Variants in AACS observed in about 807,000 individuals in gnomAD.
The protein encoded by AACS is acetoacetyl-CoA synthetase.
AACS carries 69 observed loss-of-function variants against 83.1 expected under a neutral mutation model. The observed-to-expected ratio is 0.83, with a 90% confidence interval of 0.68 to 1.01. The LOEUF (loss-of-function observed/expected upper bound fraction) is 1.01, where lower values mean the gene tolerates loss of function less well. AACS is among the 50% of genes least tolerant of loss of function. The probability of loss-of-function intolerance (pLI) is 0.00; values close to 1 mark genes in which losing one functional copy is unlikely to be tolerated. For synonymous variants in AACS, 333 were observed against 343.4 expected (o/e 0.97, Z 0.33); for missense variants, 866 against 882.2 (o/e 0.98, Z 0.23).
Position 125,129,505 on chromosome 12 carries a change from G to T in AACS, c.1549+45G>T, listed in dbSNP as rs753887041. ...ACAGAGCTGGCCAGCCTCTGCCTTGGCTGGGCCTTCTGTGTCTAATTCTGT... is the reference window on the plus strand; with the variant it reads ...ACAGAGCTGGCCAGCCTCTGCCTTGTCTGGGCCTTCTGTGTCTAATTCTGT... On this transcript the variant is annotated intron_variant, in intron 14 of 17. Transcript: ENST00000316519. The surrounding 1 kb of genome is among the most constrained non-coding windows in gnomAD (Gnocchi z 4.3). 4.4e-6 allele frequency: 7 copies of T among 1,599,068 alleles called. No individual in the cohort carries two copies. In the South Asian group the frequency reaches 8.0e-5, roughly 18 times the overall value.
chr12:125,138,560 C>A (rs953243402), intron 17 of AACS: 2 of 152,164 alleles, frequency 1.3e-5, no homozygotes, highest in South Asian at 2.1e-4. Flanking sequence ...TCTTTTGCTG[C>A]CAAAACAGTT....
chr12:125,083,842 C>CG (rs1268941444), intron 3 of AACS, among the ~76,000 whole-genome samples: 3 of 151,946 alleles, frequency 2.0e-5, no homozygotes, highest in Non-Finnish European at 4.4e-5. Flanking sequence ...TTAGTACAGA[C>CG]GGGGTTTCAC....
chr12:125,086,968 AAGGCAGCAAGCAGGAGGCCACAGGCCTGG>A (rs1255753635), intron 4 of AACS, among the ~76,000 whole-genome samples: 1 of 152,056 alleles, frequency 6.6e-6, no homozygotes, highest in Non-Finnish European at 1.5e-5. Context: ...GAGGCTGCTG[AAGGCAGCAAGCAGGAGGCCACAGGCCTGG>A]AGGCAGCAAG....
chr12:125,067,680 C>T (rs1955741955), intron 1 of AACS, among the ~76,000 whole-genome samples: 1 of 152,006 alleles, frequency 6.6e-6, no homozygotes. Flanking sequence ...ATTACAGGTG[C>T]CTGCCACTAT....
At chr12:125,132,335 G>A (rs978976348) in intron 14 of AACS, among the ~76,000 whole-genome samples, 5 of 152,196 alleles carry the variant, frequency 3.3e-5, no homozygotes, top group Non-Finnish European at 7.4e-5. Flanking sequence ...GCACAGTACT[G>A]CAGATGGCCC....
At chr12:125,084,962 C>G (rs1254313846) in intron 3 of AACS, among the ~76,000 whole-genome samples, 2 of 152,128 alleles carry the variant, frequency 1.3e-5, no homozygotes, top group African/African-American at 2.4e-5. Flanking sequence ...ATCTTCCTGC[C>G]TTAACCTCTC....
rs1346284849 is a variant in AACS, at chr12:125,081,879, GT to G, written c.359-4438del. 1.9e-3 allele frequency among the ~76,000 whole-genome samples: 275 copies of G among 144,878 alleles called. 4 individuals carry two copies. The highest frequency in any genetic ancestry group is 4.6e-3 in the African/African-American group (184 of 39,694). The stretch of plus-strand genomic sequence containing the variant: ...TAGGCAAATAGGAAAAAAAAAACGA[GT>G]TTTTTTTTTTTTGAGGTGGAGTTTC... On this transcript the variant is annotated intron_variant, in intron 3 of 17. Transcript: ENST00000316519.
chr12:125,134,945 TG>T, intron 16 of AACS, 93 bp downstream of exon 16: 1 of 1,418,420 alleles, frequency 7.1e-7, no homozygotes, highest in Non-Finnish European at 9.8e-7. Context: ...GGCACAACTC[TG>T]GCCCCTTGTT....
In AACS at chr12:125,094,466, G is replaced by T. The variant is rs1956559109; in HGVS notation, c.570+2943G>T. Among the ~76,000 whole-genome samples, 1 of 152,300 alleles carries T rather than the reference G, an allele frequency of 6.6e-6. No homozygotes were observed. The highest frequency in any genetic ancestry group is 1.9e-4 in the East Asian group (1 of 5,184). ...CACCGTTGGACTCGTGGGTTCACACGCCTGTCCACTGAGAGCTCCTCGGCT... is the reference window on the plus strand; with the variant it reads ...CACCGTTGGACTCGTGGGTTCACACTCCTGTCCACTGAGAGCTCCTCGGCT... On this transcript the variant is annotated intron_variant, in intron 5 of 17. Transcript: ENST00000316519. The surrounding 1 kb of genome is among the most constrained non-coding windows in gnomAD (Gnocchi z 4.1).
chr12:125,091,401 GC>G, intron 4 of AACS, 24 bp from the exon 5 acceptor site: 2 of 1,612,740 alleles, frequency 1.2e-6, no homozygotes, highest in Non-Finnish European at 1.7e-6. Context: ...TGAACCCAAG[GC>G]TTCTTCCTAT....
intron 7 of AACS, among the ~76,000 whole-genome samples, chr12:125,104,889 G>A (rs1956799031): frequency 6.6e-6 from 1 of 152,170 alleles, no homozygotes; most frequent in Admixed American, 6.5e-5. Flanking sequence ...TCTGCAGGCT[G>A]TGCGAGAGGC....
intron 12 of AACS, 55 bp downstream of exon 12, chr12:125,125,079 T>C (rs1234262702): frequency 3.7e-6 from 6 of 1,610,064 alleles, no homozygotes; most frequent in African/African-American, 1.3e-5. Flanking sequence ...CCCATAAGTA[T>C]GCACACCTCT....
intron 1 of AACS, among the ~76,000 whole-genome samples, chr12:125,067,365 CACCTT>C (rs997822489): frequency 6.6e-6 from 1 of 152,208 alleles, no homozygotes; most frequent in African/African-American, 2.4e-5. Flanking sequence ...TCCTCTGTGT[CACCTT>C]GCCTTGATTC....
intron 4 of AACS, among the ~76,000 whole-genome samples, chr12:125,087,893 G>C (rs1956374841): frequency 6.6e-6 from 1 of 152,212 alleles, no homozygotes; most frequent in Admixed American, 6.5e-5. Flanking sequence ...GCTGCCTCCT[G>C]TCTCAGCCCT....
rs1228864425 is a variant in AACS at position 125,097,969 on chromosome 12, C to T, written c.571-4710C>T. 1.1e-4 allele frequency among the ~76,000 whole-genome samples: 17 copies of T among 152,356 alleles called. No homozygotes were observed. The highest frequency in any genetic ancestry group is 7.7e-4 in the East Asian group (4 of 5,192). On this transcript the variant is annotated intron_variant, in intron 5 of 17. Coordinates refer to ENST00000316519, the MANE Select transcript of AACS (RefSeq NM_023928.5). This position sits in a 1 kb window ranked among gnomAD's most constrained non-coding sequence, Gnocchi z 4.3. ...CACTGCCATCTCTCACGCGTGCCGTCGTAGTAGCTTCCGACCAGTCTCATT... is the reference window on the plus strand; with the variant it reads ...CACTGCCATCTCTCACGCGTGCCGTTGTAGTAGCTTCCGACCAGTCTCATT...
intron 5 of AACS, among the ~76,000 whole-genome samples, chr12:125,098,780 G>T (rs1956664930): frequency 6.6e-6 from 1 of 152,188 alleles, no homozygotes; most frequent in Non-Finnish European, 1.5e-5. Flanking sequence ...GTATTGCTGG[G>T]GTTTAACACC....
chr12:125,104,633 T>C (rs1956793078), intron 7 of AACS, among the ~76,000 whole-genome samples: 1 of 152,072 alleles, frequency 6.6e-6, no homozygotes, highest in Non-Finnish European at 1.5e-5. Context: ...GTGCAGGGCA[T>C]ATTCTGGAGC....
chr12:125,068,612 G>C (rs1955769751), intron 1 of AACS, among the ~76,000 whole-genome samples: 1 of 152,154 alleles, frequency 6.6e-6, no homozygotes, highest in Non-Finnish European at 1.5e-5. Flanking sequence ...AGGGCATTTA[G>C]CACTGTTTTT....
intron 3 of AACS, among the ~76,000 whole-genome samples, chr12:125,082,431 C>T (rs185581746): frequency 6.6e-6 from 1 of 151,926 alleles, no homozygotes; most frequent in Non-Finnish European, 1.5e-5. Flanking sequence ...CCATCTCAGC[C>T]TCCCAAAGTG....
Sources: gnomAD v4.1 joint callset for allele counts (sites outside exome capture counted in the v4.1 genomes callset) on GRCh38, gnomAD v4.1.1 for gene constraint, Gnocchi (gnomAD v3.1) non-coding constraint, MANE v1.5 for transcripts, NCBI Gene and HGNC (gene_info 2026-07-23, HGNC 2026-07-21) for gene names.